PARP1: variants seen among roughly 807,000 people sequenced by gnomAD.
PARP1 encodes poly(ADP-ribose) polymerase 1, also known as poly [ADP-ribose] polymerase 1.
A neutral mutation model predicts 118.7 loss-of-function variants in PARP1; 44 were observed. The observed-to-expected ratio is 0.37, with a 90% CI of 0.29 to 0.48. The LOEUF (loss-of-function observed/expected upper bound fraction) is 0.48. Among genes scored for constraint, PARP1 ranks in the 20% least tolerant of loss-of-function variants. The pLI is 0.99. For synonymous variants in PARP1, 492 were observed against 483.2 expected (o/e 1.02, Z -0.24); for missense variants, 1,100 against 1,272.4 (o/e 0.86, Z 2.06).
At chr1:226,369,048 A>G (rs1394619562) in intron 15 of PARP1, among the ~76,000 whole-genome samples, 1 of 152,226 alleles carries the variant, frequency 6.6e-6, no homozygotes, top group Non-Finnish European at 1.5e-5. Flanking sequence ...AAGTTGTACA[A>G]CTTCCATCTG....
At position 226,390,590 on chromosome 1, in the gene PARP1, G is replaced by A. The variant is rs757712451; in HGVS notation, c.437C>T (p.Pro146Leu). Reference protein sequence around the residue: ...QVRLSKKMVDPEKPQLGMIDR... With the variant: ...QVRLSKKMVDLEKPQLGMIDR... ...AATCATGCCTAGCTGTGGCTTCTCC[G>A]GGTCCACCATCTTCTTGGACAGGCG... Residue 146 changes from proline to leucine, a missense_variant, in exon 4 of 23, where the codon CCG (proline) becomes CTG (leucine). This residue lies in a region of PARP1 where 948 missense variants were observed against 1,031.8 expected (regional missense o/e 0.92). Coordinates refer to ENST00000366794, the MANE Select transcript of PARP1 (RefSeq NM_001618.4). 9.9e-6 allele frequency: 16 copies of A among 1,613,924 alleles called. No homozygotes were observed. Among genetic ancestry groups the A allele is most frequent in the Admixed American group, 1.7e-5 (1 of 59,990 alleles).
At chr1:226,362,190 T>TA (rs929632249) in intron 21 of PARP1, 107 bp from the exon 22 acceptor site, 53 of 706,058 alleles carry the variant, frequency 7.5e-5, no homozygotes, top group Non-Finnish European at 1.2e-4. Context: ...CTTTCTTTTT[T>TA]TTTTTTTTCC....
chr1:226,378,514 T>C (rs557799515), intron 12 of PARP1, among the ~76,000 whole-genome samples: 28 of 152,206 alleles, frequency 1.8e-4, no homozygotes, highest in Non-Finnish European at 3.2e-4. Context: ...TTTTAAAACA[T>C]ATGTAAAATC....
At position 226,386,401 on chromosome 1, in the gene PARP1, C is replaced by G. The variant is rs139912909; in HGVS notation, c.759G>C (p.Lys253Asn). Reference sequence around the variant, plus strand: ...TCAGGTCATTAGTTGAACACACTTTCTTTAGCTCGTCCTTGATGTTCCAGA... The same window carrying G: ...TCAGGTCATTAGTTGAACACACTTTGTTTAGCTCGTCCTTGATGTTCCAGA... ...DLIWNIKDEL[K>N]KVCSTNDLKE... Residue 253 changes from lysine to asparagine, a missense_variant, in exon 6 of 23, where the codon AAG becomes AAC. Transcript: ENST00000366794. 1.2e-6 allele frequency: 2 copies of G among 1,614,062 alleles called. No homozygotes were observed. Among genetic ancestry groups the G allele is most frequent in the East Asian group, 4.5e-5 (2 of 44,882 alleles).
Position 226,408,039 on chromosome 1 carries a change from C to G in PARP1, c.-110G>C, listed in dbSNP as rs1024621699. The G allele has an allele frequency of 9.9e-6, 15 of 1,511,966 alleles. No individual in the cohort carries two copies. The East Asian group carries it at 3.3e-4, about 34-fold the overall frequency. The allele number at this position is 1,511,966 out of a possible 1,614,324, so 93.7% of individuals were successfully genotyped here. A position where few individuals can be genotyped will look rare whatever the true frequency, so the allele number is the denominator to read the frequency against. ...ACCCAGCCGCAGGCGCCTGAGCGGC[C>G]AGAGCCGCCACCGAACACGCCGCAC... On this transcript the variant is annotated 5_prime_UTR_variant, in exon 1 of 23. Transcript: ENST00000366794.
chr1:226,377,289 C>G lies in PARP1; in HGVS notation c.1760G>C (p.Arg587Thr). The change falls in exon 13 of 23, where the codon AGG becomes ACG. Residue 587 changes from arginine to threonine, a missense_variant. This residue lies in a region of PARP1 where 948 missense variants were observed against 1,031.8 expected (regional missense o/e 0.92). Coordinates refer to ENST00000366794, the MANE Select transcript of PARP1 (RefSeq NM_001618.4). ...CACCGTACCCACACGGCCCCAGGAC[C>G]TGAATATCCAATACCTGCAGTGGGA... ...DDKENRYWIF[R>T]SWGRVGTVIG... is the part of the protein sequence containing the mutation. 1 of 1,613,910 alleles carries G rather than the reference C, an allele frequency of 6.2e-7. No individual in the cohort carries two copies. Among genetic ancestry groups the G allele is most frequent in the Non-Finnish European group, 8.5e-7 (1 of 1,179,834 alleles).
intron 17 of PARP1, 84 bp downstream of exon 17, chr1:226,367,396 G>T: frequency 6.6e-7 from 1 of 1,517,280 alleles, no homozygotes; most frequent in Non-Finnish European, 9.1e-7. Flanking sequence ...AGCTTTCCAG[G>T]AGATCCTAAC....
At chr1:226,381,941 T>C (rs1664617561) in intron 8 of PARP1, among the ~76,000 whole-genome samples, 1 of 152,168 alleles carries the variant, frequency 6.6e-6, no homozygotes, top group Non-Finnish European at 1.5e-5. Flanking sequence ...TATTGACTCA[T>C]GCTGAACTGC....
intron 8 of PARP1, among the ~76,000 whole-genome samples, chr1:226,381,649 A>T (rs752809455): frequency 3.9e-5 from 6 of 152,222 alleles, no homozygotes; most frequent in Non-Finnish European, 7.3e-5. Flanking sequence ...AAAATGAGAC[A>T]TGTCCATGAT....
chr1:226,379,090 T>C (rs1039958629), intron 12 of PARP1, 52 bp downstream of exon 12: 4 of 1,612,374 alleles, frequency 2.5e-6, no homozygotes, highest in African/African-American at 2.7e-5. Flanking sequence ...CACTAACCAA[T>C]GCAGGACGGG....
intron 1 of PARP1, among the ~76,000 whole-genome samples, chr1:226,404,172 A>G (rs1234743517): frequency 4.0e-3 from 1 of 248 alleles, no homozygotes; most frequent in African/African-American, 0.018. Context: ...TTCTCTAGCA[A>G]CATGTCACAG....
At chr1:226,396,516 T>C (rs1472325283) in intron 2 of PARP1, among the ~76,000 whole-genome samples, 2 of 152,094 alleles carry the variant, frequency 1.3e-5, no homozygotes, top group Non-Finnish European at 2.9e-5. Context: ...ATTAGTATTT[T>C]CTATGGAGAT....
chr1:226,403,261 C>T (rs1665072938), intron 1 of PARP1, among the ~76,000 whole-genome samples: 1 of 152,210 alleles, frequency 6.6e-6, no homozygotes, highest in African/African-American at 2.4e-5. Context: ...TCACTGCAAC[C>T]TCTGTCTCCT....
intron 13 of PARP1, 117 bp downstream of exon 13, chr1:226,376,991 T>C: frequency 1.1e-6 from 1 of 927,686 alleles, no homozygotes. Flanking sequence ...TATTCTCCTT[T>C]CAACATTTGG....
intron 15 of PARP1, among the ~76,000 whole-genome samples, chr1:226,368,877 G>A (rs886259729): frequency 6.6e-6 from 1 of 152,194 alleles, no homozygotes; most frequent in African/African-American, 2.4e-5. Context: ...TATATGCAAA[G>A]GGTGCACAAA....
chr1:226,377,411 C>T, intron 12 of PARP1, 108 bp from the exon 13 acceptor site: 1 of 804,904 alleles, frequency 1.2e-6, no homozygotes, highest in South Asian at 1.4e-5. Flanking sequence ...TTTTACACAC[C>T]CCAAAAGGAT....
chr1:226,395,793 A>G lies in PARP1; in HGVS notation c.287-3479T>C, dbSNP rs1033164464. On this transcript the variant is annotated intron_variant, in intron 2 of 22. Transcript: ENST00000366794. ...CACATGCTGCAACACGGACGAACCCAGAAGAACTATGCTGAGTGAAGTAAG... is the reference window on the plus strand; with the variant it reads ...CACATGCTGCAACACGGACGAACCCGGAAGAACTATGCTGAGTGAAGTAAG... Among the ~76,000 whole-genome samples the G allele has an allele frequency of 3.3e-5, 5 of 152,236 alleles. No individual in the cohort carries two copies. In the South Asian group the frequency reaches 1.0e-3, roughly 32 times the overall value.
In PARP1 at chr1:226,367,498, C is replaced by G; in HGVS notation, c.2388G>C (p.Lys796Asn). ...CTGTTACCTTAATGTCAGTTTTGAG[C>G]TTCTCATAGTTGACATCGATGGGAT... ...SKDPIDVNYE[K>N]LKTDIKVVDR... Residue 796 changes from lysine to asparagine, a missense_variant, in exon 17 of 23, where the codon AAG becomes AAC. Physicochemically the swap from Lys to Asn is moderately conservative, Grantham distance 94. Coordinates refer to ENST00000366794, the MANE Select transcript of PARP1 (RefSeq NM_001618.4). The G allele has an allele frequency of 6.2e-7, 1 of 1,614,108 alleles. No individual in the cohort carries two copies. Among genetic ancestry groups the G allele is most frequent in the Non-Finnish European group, 8.5e-7 (1 of 1,180,024 alleles).
rs757436662 is a variant in PARP1, at chr1:226,362,040, C to A, written c.2892G>T (p.Leu964=). The A allele has an allele frequency of 1.2e-6, 2 of 1,613,824 alleles. No individual in the cohort carries two copies. Among genetic ancestry groups the A allele is most frequent in the Non-Finnish European group, 1.7e-6 (2 of 1,179,788 alleles). Reference sequence around the variant, plus strand: ...TCCCAAGAGGAACGTCTACACCATCCAGACTAATGTTAGCTGAAGGATCAG... The same window carrying A: ...TCCCAAGAGGAACGTCTACACCATCAAGACTAATGTTAGCTGAAGGATCAG... ...TTPDPSANIS[L]DGVDVPLGTG... Residue 964 remains leucine (L), a synonymous_variant, in exon 22 of 23, where the codon CTG becomes CTT. Transcript: ENST00000366794.
Sources: gnomAD v4.1 joint callset for allele counts (sites outside exome capture counted in the v4.1 genomes callset) on GRCh38, gnomAD v4.1.1 for gene constraint, gnomAD v4.1.1 regional missense constraint, MANE v1.5 for transcripts, NCBI Gene and HGNC (gene_info 2026-07-23, HGNC 2026-07-21) for gene names.